Variants in NELL1 observed in about 807,000 individuals in gnomAD.
NELL1 encodes the protein protein kinase C-binding protein NELL1.
NELL1 carries 76 observed loss-of-function variants against 107.4 expected under a neutral mutation model. The ratio of observed to expected loss-of-function variants is 0.71; its 90% CI spans 0.59 to 0.86. The LOEUF (loss-of-function observed/expected upper bound fraction) is 0.86, where lower values mean the gene tolerates loss of function less well. Ranked by LOEUF, NELL1 falls within the 40% of genes least tolerant of loss-of-function variation. The pLI is 0.00. For missense variants in NELL1, 1,024 were observed against 1,005.5 expected (o/e 1.02, Z -0.25); for synonymous variants, 353 against 341.2 (o/e 1.03, Z -0.38).
chr11:21,185,104 T>C (rs1184258273), intron 13 of NELL1, among the ~76,000 whole-genome samples: 1 of 151,618 alleles, frequency 6.6e-6, no homozygotes, highest in Non-Finnish European at 1.5e-5. Flanking sequence ...CCATCTATAC[T>C]TCCATCCTTC....
chr11:21,327,128 G>C (rs1464930953), intron 14 of NELL1, among the ~76,000 whole-genome samples: 1 of 131,326 alleles, frequency 7.6e-6, no homozygotes, highest in Non-Finnish European at 1.5e-5. Flanking sequence ...CCCTTATGCT[G>C]TTCTTGTGAC....
chr11:21,493,255 A>C (rs1049673845), intron 15 of NELL1, among the ~76,000 whole-genome samples: 5 of 152,264 alleles, frequency 3.3e-5, no homozygotes, highest in Middle Eastern at 3.4e-3. Context: ...AAAGAAAATA[A>C]ATCAGGATAT....
chr11:20,910,589 C>T (rs1177674524), intron 5 of NELL1, among the ~76,000 whole-genome samples: 2 of 152,190 alleles, frequency 1.3e-5, no homozygotes, highest in Admixed American at 1.3e-4. Flanking sequence ...TAGATTACTG[C>T]CCTGCTGTTG....
At chr11:21,528,051 A>C (rs1353440332) in intron 15 of NELL1, among the ~76,000 whole-genome samples, 1 of 152,190 alleles carries the variant, frequency 6.6e-6, no homozygotes, top group Non-Finnish European at 1.5e-5. Flanking sequence ...AATATGAACC[A>C]TCACACTAAT....
At chr11:20,872,800 G>A (rs898246794) in intron 4 of NELL1, among the ~76,000 whole-genome samples, 1 of 151,486 alleles carries the variant, frequency 6.6e-6, no homozygotes, top group Non-Finnish European at 1.5e-5. Context: ...GATATATTTT[G>A]TATGGGTTGT....
chr11:20,872,317 A>G (rs1433410080), intron 4 of NELL1, among the ~76,000 whole-genome samples: 1 of 151,514 alleles, frequency 6.6e-6, no homozygotes, highest in African/African-American at 2.4e-5. Context: ...GGTTACTGGG[A>G]CCACAGGTAC....
In NELL1 at chr11:21,054,082, A is replaced by T. The variant is rs1443802692; in HGVS notation, c.1301-59507A>T. Among the ~76,000 whole-genome samples the T allele has an allele frequency of 2.0e-5, 3 of 152,286 alleles. No individual in the cohort carries two copies. The East Asian group carries it at 5.8e-4, about 29-fold the overall frequency. ...GAATGTAGAAAAATCTTAAAAATGA[A>T]ATAAAACCATCCATAATCCTATTAC... On this transcript the variant is annotated intron_variant, in intron 12 of 19. Transcript: ENST00000357134.
intron 10 of NELL1, among the ~76,000 whole-genome samples, chr11:20,942,586 TAGA>T (rs1448615866): frequency 6.6e-6 from 1 of 152,178 alleles, no homozygotes; most frequent in Non-Finnish European, 1.5e-5. Context: ...GAGAACTTAG[TAGA>T]GTGCTTACCA....
At chr11:21,450,008 T>A (rs1853538221) in intron 15 of NELL1, among the ~76,000 whole-genome samples, 1 of 152,218 alleles carries the variant, frequency 6.6e-6, no homozygotes, top group Non-Finnish European at 1.5e-5. Context: ...TGTTAAAAAT[T>A]ATTTCATTCT....
chr11:21,438,106 C>T (rs567781273), intron 15 of NELL1, among the ~76,000 whole-genome samples: 1 of 152,262 alleles, frequency 6.6e-6, no homozygotes, highest in East Asian at 1.9e-4. Flanking sequence ...CGGAAAATAT[C>T]ATCCTTTCAA....
At chr11:20,753,499 T>G (rs1039465518) in intron 2 of NELL1, among the ~76,000 whole-genome samples, 1 of 152,220 alleles carries the variant, frequency 6.6e-6, no homozygotes, top group East Asian at 1.9e-4. Flanking sequence ...TGCCCCTACA[T>G]TAATCACATT....
intron 15 of NELL1, among the ~76,000 whole-genome samples, chr11:21,490,316 A>G (rs952071155): frequency 6.6e-6 from 1 of 152,076 alleles, no homozygotes; most frequent in African/African-American, 2.4e-5. Flanking sequence ...AAGACATTAC[A>G]TGCTTATAGA....
At chr11:20,810,433 A>G (rs1218409134) in intron 3 of NELL1, among the ~76,000 whole-genome samples, 2 of 152,128 alleles carry the variant, frequency 1.3e-5, no homozygotes, top group African/African-American at 4.8e-5. Context: ...TTGCATCCTC[A>G]TAGCTTAGCT....
intron 15 of NELL1, among the ~76,000 whole-genome samples, chr11:21,457,419 G>C (rs1853774427): frequency 6.6e-6 from 1 of 152,078 alleles, no homozygotes; most frequent in Admixed American, 6.6e-5. Flanking sequence ...TTTTTTGTGA[G>C]GTATTAAACA....
chr11:21,302,187 A>G (rs1474051314), intron 14 of NELL1, among the ~76,000 whole-genome samples: 61 of 151,964 alleles, frequency 4.0e-4, no homozygotes, highest in Admixed American at 4.0e-3. Context: ...CTTCTGTTCC[A>G]TATGTTGTTG....
rs869078958 is a variant in NELL1, at chr11:20,925,438, C to CT, written c.760-1851dup. Among the ~76,000 whole-genome samples, 278 of 122,226 alleles carry CT rather than the reference C, an allele frequency of 2.3e-3. 1 individual carries two copies. Among genetic ancestry groups the CT allele is most frequent in the Admixed American group, 3.6e-3 (42 of 11,666 alleles). 80.2% of individuals were successfully genotyped at this position (122,226 alleles called of 152,430 possible). On this transcript the variant is annotated intron_variant, in intron 7 of 19. Transcript: ENST00000357134. ...TGGTGGTACCCGCTACCACACCCGG[C>CT]TTTTTTTTTTTTTTTTTTTGTATTT...
intron 13 of NELL1, among the ~76,000 whole-genome samples, chr11:21,210,406 T>G (rs1454110015): frequency 6.6e-6 from 1 of 152,142 alleles, no homozygotes; most frequent in Non-Finnish European, 1.5e-5. Flanking sequence ...TATCTATCCT[T>G]TTTATTTTAG....
At chr11:20,828,928 A>G (rs929052233) in intron 3 of NELL1, among the ~76,000 whole-genome samples, 2 of 152,208 alleles carry the variant, frequency 1.3e-5, no homozygotes, top group Admixed American at 6.5e-5. Context: ...GGAAAAAACT[A>G]TGATTCAAAA....
At chr11:20,827,047 C>G (rs1379821237) in intron 3 of NELL1, among the ~76,000 whole-genome samples, 1 of 151,186 alleles carries the variant, frequency 6.6e-6, no homozygotes, top group African/African-American at 2.4e-5. Flanking sequence ...CTGGAATTGC[C>G]AAGACACAGC....
Sources: allele counts gnomAD v4.1 joint callset (sites outside exome capture counted in the v4.1 genomes callset), GRCh38; gene constraint gnomAD v4.1.1; transcripts MANE v1.5; gene names NCBI Gene and HGNC (gene_info 2026-07-23, HGNC 2026-07-21).